LRRTM4: variants seen among roughly 807,000 people sequenced by gnomAD.
LRRTM4 encodes the protein leucine-rich repeat transmembrane neuronal protein 4.
LRRTM4 carries 25 observed loss-of-function variants against 47.6 expected under a neutral mutation model. The ratio of observed to expected loss-of-function variants is 0.53; its 90% CI spans 0.38 to 0.73. LRRTM4 has a LOEUF of 0.73. LRRTM4 is among the 30% of genes least tolerant of loss of function. The pLI is 0.00. For missense variants in LRRTM4, 638 were observed against 713.4 expected (o/e 0.89, Z 1.20); for synonymous variants, 311 against 269.5 (o/e 1.15, Z -1.51).
At position 77,521,927 on chromosome 2, in the gene LRRTM4, G is replaced by A. The variant is rs1679529651; in HGVS notation, c.-147-109C>T. ...AGGGTGGGATGGTTGTGGGGGCAGGGAAAAGGAAGCCGTTGGGGGGATAGG... is the reference window on the plus strand; with the variant it reads ...AGGGTGGGATGGTTGTGGGGGCAGGAAAAAGGAAGCCGTTGGGGGGATAGG... On this transcript the variant is annotated intron_variant, in intron 1 of 3. Transcript: ENST00000409884. 3 of 509,238 alleles carry A rather than the reference G, an allele frequency of 5.9e-6. No homozygotes were observed. The South Asian group carries it at 8.9e-5, about 15-fold the overall frequency. 31.5% of individuals were successfully genotyped at this position (509,238 alleles called of 1,614,324 possible).
chr2:76,947,068 G>A (rs1319581186), intron 3 of LRRTM4, among the ~76,000 whole-genome samples: 2 of 151,916 alleles, frequency 1.3e-5, no homozygotes, highest in East Asian at 3.9e-4. Context: ...TCCTGTTCTT[G>A]AAATTTCAAG....
intron 3 of LRRTM4, among the ~76,000 whole-genome samples, chr2:76,889,752 T>G (rs1673190671): frequency 6.6e-6 from 1 of 151,962 alleles, no homozygotes; most frequent in East Asian, 1.9e-4. Flanking sequence ...AAATTTTACT[T>G]GCTTTTCTCT....
chr2:76,968,381 T>TATATATATATATAC (rs1553437943), intron 3 of LRRTM4, among the ~76,000 whole-genome samples: 6 of 116,220 alleles, frequency 5.2e-5, no homozygotes, highest in African/African-American at 2.0e-4. Flanking sequence ...TATATATATA[T>TATATATATATATAC]ATACACATAC....
intron 3 of LRRTM4, among the ~76,000 whole-genome samples, chr2:77,442,622 T>G (rs747446105): frequency 3.9e-4 from 59 of 152,326 alleles, no homozygotes; most frequent in Middle Eastern, 6.8e-3. Context: ...TGTGTTAAAC[T>G]TTTTTAAGCC....
chr2:77,272,447 G>C (rs1676225519), intron 3 of LRRTM4, among the ~76,000 whole-genome samples: 1 of 152,266 alleles, frequency 6.6e-6, no homozygotes, highest in South Asian at 2.1e-4. Context: ...CATCATGCCT[G>C]AGAAGACATG....
intron 3 of LRRTM4, among the ~76,000 whole-genome samples, chr2:77,465,484 G>T (rs888849860): frequency 3.3e-5 from 5 of 152,086 alleles, no homozygotes; most frequent in African/African-American, 1.2e-4. Flanking sequence ...ACGTGTTCTA[G>T]TCCCTCTACC....
chr2:77,353,275 T>C (rs1671851181), intron 3 of LRRTM4, among the ~76,000 whole-genome samples: 1 of 152,180 alleles, frequency 6.6e-6, no homozygotes, highest in African/African-American at 2.4e-5. Context: ...TAAAATAAAA[T>C]TAAAAAGTGG....
intron 3 of LRRTM4, among the ~76,000 whole-genome samples, chr2:77,398,443 T>C (rs1319695200): frequency 7.8e-4 from 118 of 151,952 alleles, no homozygotes; most frequent in Non-Finnish European, 1.5e-5. Context: ...CACATACTTT[T>C]TTTTCAGATA....
intron 3 of LRRTM4, among the ~76,000 whole-genome samples, chr2:77,015,653 C>T (rs1678039636): frequency 7.3e-6 from 1 of 137,582 alleles, no homozygotes; most frequent in Admixed American, 7.3e-5. Flanking sequence ...ACAACATTGC[C>T]ACTGGATGTA....
chr2:77,164,444 C>G lies in LRRTM4; in HGVS notation c.1551+353874G>C, dbSNP rs546068416. On this transcript the variant is annotated intron_variant, in intron 3 of 3. Coordinates refer to ENST00000409884, the MANE Select transcript of LRRTM4 (RefSeq NM_001134745.3). ...GGATACCCAGGAATTGAATTCAGCT[C>G]TGCACCAAGCAGACCTAATAGACAT... Among the ~76,000 whole-genome samples, 6 of 152,326 alleles carry G rather than the reference C, an allele frequency of 3.9e-5. No homozygotes were observed. The South Asian group carries it at 8.3e-4, about 21-fold the overall frequency.
chr2:76,864,737 T>G (rs943615826), intron 3 of LRRTM4, among the ~76,000 whole-genome samples: 1 of 151,882 alleles, frequency 6.6e-6, no homozygotes, highest in African/African-American at 2.4e-5. Context: ...CCTTTCTTTT[T>G]TAAGACAAGG....
rs529975829 is a variant in LRRTM4 at position 77,280,629 on chromosome 2, C to G, written c.1551+237689G>C. On this transcript the variant is annotated intron_variant, in intron 3 of 3. Transcript: ENST00000409884. ...TACTGGGTTTGCAGTGTGACTTTGCCCGTTACTATTCACAAGACCTTGTAT... is the reference window on the plus strand; with the variant it reads ...TACTGGGTTTGCAGTGTGACTTTGCGCGTTACTATTCACAAGACCTTGTAT... Among the ~76,000 whole-genome samples, 355 of 151,820 alleles carry G rather than the reference C, an allele frequency of 2.3e-3. 5 individuals carry two copies. The highest frequency in any genetic ancestry group is 7.9e-3 in the African/African-American group (327 of 41,452).
intron 3 of LRRTM4, among the ~76,000 whole-genome samples, chr2:76,749,531 C>G (rs911253924): frequency 6.6e-6 from 1 of 152,030 alleles, no homozygotes; most frequent in Non-Finnish European, 1.5e-5. Flanking sequence ...TATCACATAT[C>G]AATACTGGAC....
At chr2:77,092,828 T>A (rs966320549) in intron 3 of LRRTM4, among the ~76,000 whole-genome samples, 1 of 142,274 alleles carries the variant, frequency 7.0e-6, no homozygotes, top group Non-Finnish European at 1.5e-5. Flanking sequence ...TTTCAGGCTC[T>A]TAGTATTCAG....
intron 3 of LRRTM4, among the ~76,000 whole-genome samples, chr2:77,207,372 T>TATACACACACAC (rs59335400): frequency 3.8e-5 from 5 of 131,104 alleles, no homozygotes; most frequent in South Asian, 2.5e-4. Context: ...TATATATATA[T>TATACACACACAC]ACACACACAC....
intron 3 of LRRTM4, among the ~76,000 whole-genome samples, chr2:77,010,175 A>C (rs1488352673): frequency 6.6e-6 from 1 of 152,032 alleles, no homozygotes; most frequent in East Asian, 1.9e-4. Context: ...AGCAATTCTC[A>C]AATATACAAT....
chr2:77,038,352 A>C (rs1202936609), intron 3 of LRRTM4, among the ~76,000 whole-genome samples: 4 of 150,518 alleles, frequency 2.7e-5, no homozygotes, highest in Admixed American at 6.6e-5. Context: ...ACTTGACCTT[A>C]GGCATGTTAA....
At chr2:77,088,732 T>C (rs905403690) in intron 3 of LRRTM4, among the ~76,000 whole-genome samples, 4 of 152,182 alleles carry the variant, frequency 2.6e-5, no homozygotes, top group African/African-American at 9.6e-5. Flanking sequence ...TCCCCCGTCC[T>C]CCTGCTCTTT....
chr2:77,342,600 C>T (rs1041131277), intron 3 of LRRTM4, among the ~76,000 whole-genome samples: 13 of 151,834 alleles, frequency 8.6e-5, no homozygotes, highest in Non-Finnish European at 1.5e-4. Flanking sequence ...AATAAAATTA[C>T]TTAATTTGGA....
Sources: gnomAD v4.1 joint callset for allele counts (sites outside exome capture counted in the v4.1 genomes callset) on GRCh38, gnomAD v4.1.1 for gene constraint, MANE v1.5 for transcripts, NCBI Gene and HGNC (gene_info 2026-07-23, HGNC 2026-07-21) for gene names.